Variants in C11orf54 observed in about 807,000 individuals in gnomAD.
C11orf54 encodes beta-keto L-gulonate decarboxylase.
In C11orf54, 29 loss-of-function variants were observed where a neutral mutation model predicts 35.5. The ratio of observed to expected loss-of-function variants is 0.82; its 90% CI spans 0.61 to 1.11. The LOEUF is 1.11. Among genes scored for constraint, C11orf54 ranks in the 50% most tolerant of loss-of-function variants. The pLI is 0.00. For synonymous variants in C11orf54, 108 were observed against 121.1 expected (o/e 0.89, Z 0.71); for missense variants, 373 against 369.2 (o/e 1.01, Z -0.08).
At chr11:93,756,167 C>CAAA (rs1210508995) in intron 6 of C11orf54, among the ~76,000 whole-genome samples, 1,689 of 26,502 alleles carry the variant, frequency 0.064, 27 homozygotes, top group Middle Eastern at 0.12. Context: ...ACTCTGTCTC[C>CAAA]AAAAAAAAAA....
At chr11:93,747,668 A>C (rs1327939027) in intron 2 of C11orf54, among the ~76,000 whole-genome samples, 1 of 152,040 alleles carries the variant, frequency 6.6e-6, no homozygotes, top group Admixed American at 6.5e-5. Context: ...TAAAATTATA[A>C]TTTATAAATT....
intron 5 of C11orf54, among the ~76,000 whole-genome samples, chr11:93,754,675 A>T (rs1390418604): frequency 1.3e-5 from 2 of 152,036 alleles, no homozygotes; most frequent in Non-Finnish European, 2.9e-5. Flanking sequence ...AAAAATTTAA[A>T]ATAAGATATT....
intron 7 of C11orf54, 21 bp from the exon 8 acceptor site, chr11:93,759,721 T>C (rs767286170): frequency 4.8e-5 from 65 of 1,351,654 alleles, no homozygotes; most frequent in Non-Finnish European, 6.6e-5. Flanking sequence ...TGTTTACCTA[T>C]GTAATTATCT....
intron 1 of C11orf54, chr11:93,746,436 A>G (rs974168858): frequency 2.0e-5 from 3 of 152,114 alleles, no homozygotes; most frequent in African/African-American, 7.2e-5. Context: ...CCCTGTCTTC[A>G]TTTTATCTCC....
chr11:93,743,934 A>T (rs1232012776), intron 1 of C11orf54, among the ~76,000 whole-genome samples: 1 of 152,014 alleles, frequency 6.6e-6, no homozygotes, highest in East Asian at 1.9e-4. Flanking sequence ...TTATGTGAGA[A>T]CCTAACTCCT....
chr11:93,757,613 T>A, intron 7 of C11orf54, 148 bp downstream of exon 7: 1 of 824,920 alleles, frequency 1.2e-6, no homozygotes, highest in Non-Finnish European at 1.8e-6. Flanking sequence ...CACTGCAACC[T>A]CCATCTCCCG....
At chr11:93,756,669 C>G (rs1262535284) in intron 6 of C11orf54, among the ~76,000 whole-genome samples, 1 of 152,044 alleles carries the variant, frequency 6.6e-6, no homozygotes, top group Non-Finnish European at 1.5e-5. Flanking sequence ...TCACACATTG[C>G]TCTAGATAGA....
chr11:93,753,963 G>C lies in C11orf54; in HGVS notation c.256G>C (p.Glu86Gln). 6.2e-7 allele frequency: 1 copy of C among 1,614,038 alleles called. No homozygotes were observed. Among genetic ancestry groups the C allele is most frequent in the African/African-American group, 1.3e-5 (1 of 75,030 alleles). Residue 86 changes from glutamate (E) to glutamine (Q), a missense_variant, in exon 5 of 9, where the codon GAA (glutamate) becomes CAA (glutamine). Coordinates refer to ENST00000354421, the MANE Select transcript of C11orf54 (RefSeq NM_001286069.2). ...KVYDLNKIAKEIKLPGAFILG... is the reference protein window; with the variant it reads ...KVYDLNKIAKQIKLPGAFILG... ...TTATGATCTGAATAAAATTGCAAAA[G>C]AAATCAAGCTGCCTGGAGCCTTTAT... is the stretch of plus-strand genomic sequence containing the variant.
Position 93,759,867 on chromosome 11 carries a change from G to C in C11orf54, c.774+9G>C. On this transcript the variant is annotated intron_variant, in intron 8 of 8. Coordinates refer to ENST00000354421, the MANE Select transcript of C11orf54 (RefSeq NM_001286069.2). ...TTGTCTCCAGAGACCCAGTAAGTCT[G>C]TGTCTGTTTTTTATATTATACTACA... The C allele has an allele frequency of 6.7e-7, 1 of 1,500,140 alleles. No individual in the cohort carries two copies. Among genetic ancestry groups the C allele is most frequent in the Non-Finnish European group, 9.2e-7 (1 of 1,086,814 alleles). 92.9% of individuals were successfully genotyped at this position (1,500,140 alleles called of 1,614,324 possible).
chr11:93,748,791 G>A (rs575036000), intron 2 of C11orf54, among the ~76,000 whole-genome samples: 9 of 151,056 alleles, frequency 6.0e-5, no homozygotes, highest in East Asian at 2.0e-4. Flanking sequence ...AGCCAAGATC[G>A]CGCCACTGTA....
intron 8 of C11orf54, among the ~76,000 whole-genome samples, chr11:93,760,913 C>A (rs889534208): frequency 2.0e-5 from 3 of 152,166 alleles, no homozygotes; most frequent in Non-Finnish European, 4.4e-5. Flanking sequence ...CCCGCCTCAG[C>A]CTCCCAAAGT....
At chr11:93,756,756 G>C (rs1943178208) in intron 6 of C11orf54, among the ~76,000 whole-genome samples, 1 of 152,242 alleles carries the variant, frequency 6.6e-6, no homozygotes, top group Non-Finnish European at 1.5e-5. Context: ...CTTCCTATTA[G>C]TACACAAAAA....
rs992841217 is a variant in C11orf54, at chr11:93,764,530, A to G, written c.*2842A>G. 1 of 152,228 alleles carries G rather than the reference A, an allele frequency of 6.6e-6. No homozygotes were observed. The highest frequency in any genetic ancestry group is 1.5e-5 in the Non-Finnish European group (1 of 68,042). The allele number at this position is 152,228 out of a possible 1,614,324, so 9.4% of individuals were successfully genotyped here. A position where few individuals can be genotyped will look rare whatever the true frequency, so the allele number is the denominator to read the frequency against. On this transcript the variant is annotated 3_prime_UTR_variant, in exon 9 of 9. Coordinates refer to ENST00000354421, the MANE Select transcript of C11orf54 (RefSeq NM_001286069.2). Reference sequence around the variant, plus strand: ...TTGTATTGCTGATAGACACAATTCAAAAAGCTTGGAGACCAGGTACATTCA... The same window carrying G: ...TTGTATTGCTGATAGACACAATTCAGAAAGCTTGGAGACCAGGTACATTCA...
chr11:93,759,023 G>A (rs545301030), intron 7 of C11orf54, among the ~76,000 whole-genome samples: 1 of 152,334 alleles, frequency 6.6e-6, no homozygotes, highest in African/African-American at 2.4e-5. Flanking sequence ...ATGCTGGAGA[G>A]GTTGTGGAAA....
chr11:93,753,075 C>T (rs182572887), intron 3 of C11orf54, among the ~76,000 whole-genome samples: 11 of 152,216 alleles, frequency 7.2e-5, no homozygotes, highest in East Asian at 5.8e-4. Context: ...CTGCCCCCGC[C>T]GGGTTCAAGC....
chr11:93,761,466 C>T (rs766119109), intron 8 of C11orf54, 49 bp from the exon 9 acceptor site: 72 of 1,494,158 alleles, frequency 4.8e-5, no homozygotes, highest in Admixed American at 2.4e-4. Context: ...CCCCCTTAAA[C>T]TCTAATCAAT....
intron 3 of C11orf54, 58 bp downstream of exon 3, chr11:93,750,502 G>T: frequency 7.7e-7 from 1 of 1,298,944 alleles, no homozygotes; most frequent in Non-Finnish European, 1.1e-6. Flanking sequence ...TCTGAAACTA[G>T]AATTATTTTT....
chr11:93,744,992 G>A (rs1027091271), intron 1 of C11orf54, among the ~76,000 whole-genome samples: 4 of 152,194 alleles, frequency 2.6e-5, no homozygotes, highest in African/African-American at 7.2e-5. Context: ...TTCAAGGGAA[G>A]GTACTGTGCC....
chr11:93,744,782 A>G (rs1203094025), intron 1 of C11orf54, among the ~76,000 whole-genome samples: 2 of 152,368 alleles, frequency 1.3e-5, no homozygotes, highest in East Asian at 3.9e-4. Flanking sequence ...CACAAAGTAT[A>G]GAGAAAGAAC....
Sources: allele counts gnomAD v4.1 joint callset (sites outside exome capture counted in the v4.1 genomes callset), GRCh38; gene constraint gnomAD v4.1.1; transcripts MANE v1.5; gene names NCBI Gene and HGNC (gene_info 2026-07-23, HGNC 2026-07-21).